Variants in GSAP observed in about 807,000 individuals in gnomAD.
GSAP encodes the protein gamma-secretase-activating protein.
A neutral mutation model predicts 131.7 loss-of-function variants in GSAP; 118 were observed. The observed-to-expected ratio is 0.90, with a 90% CI of 0.77 to 1.04. The LOEUF (loss-of-function observed/expected upper bound fraction) is 1.04. Among genes scored for constraint, GSAP ranks in the 50% least tolerant of loss-of-function variants. The pLI is 0.00. For synonymous variants in GSAP, 381 were observed against 363.4 expected (o/e 1.05, Z -0.55); for missense variants, 1,019 against 1,013.2 (o/e 1.01, Z -0.08).
intron 27 of GSAP, 25 bp downstream of exon 27, chr7:77,314,345 C>T (rs1460180071): frequency 6.2e-7 from 1 of 1,612,520 alleles, no homozygotes; most frequent in Non-Finnish European, 8.5e-7. Context: ...GGAACTAGCA[C>T]TCTGGCAAAC....
intron 1 of GSAP, among the ~76,000 whole-genome samples, chr7:77,408,689 CAAAAAAAAAA>C (rs749202124): frequency 6.0e-5 from 4 of 67,054 alleles, no homozygotes; most frequent in Non-Finnish European, 1.1e-4. Flanking sequence ...ACTCTGCCTC[CAAAAAAAAAA>C]AAAAAAAAAA....
intron 12 of GSAP, among the ~76,000 whole-genome samples, chr7:77,373,679 T>C (rs1363197991): frequency 2.6e-5 from 4 of 152,374 alleles, no homozygotes; most frequent in South Asian, 4.1e-4. Context: ...GGCTGCAGCA[T>C]GGCTCTTAAA....
intron 2 of GSAP, among the ~76,000 whole-genome samples, 172 bp downstream of exon 2, chr7:77,405,857 A>T (rs1205976198): frequency 2.6e-5 from 4 of 152,166 alleles, no homozygotes; most frequent in African/African-American, 9.7e-5. Flanking sequence ...CTAAATTTCA[A>T]TCACTTTATT....
At chr7:77,416,493 C>G, upstream of GSAP, 1 of 413,078 alleles carries the variant, frequency 2.4e-6, no homozygotes, top group Non-Finnish European at 4.3e-6. Flanking sequence ...GCACCAGCTC[C>G]TCCCGGCCGG....
At chr7:77,404,417 C>T (rs1801891381) in intron 3 of GSAP, 142 bp downstream of exon 3, 2 of 661,418 alleles carry the variant, frequency 3.0e-6, no homozygotes, top group African/African-American at 1.8e-5. Flanking sequence ...GTGTGTATGC[C>T]TCAAATTGCA....
At chr7:77,357,159 T>C (rs1035207121) in intron 14 of GSAP, among the ~76,000 whole-genome samples, 1 of 152,118 alleles carries the variant, frequency 6.6e-6, no homozygotes, top group Non-Finnish European at 1.5e-5. Context: ...GTTAACATCA[T>C]TGAGGTAGTG....
rs4727365 is a variant in GSAP at position 77,360,809 on chromosome 7, C to T, written c.1027+15G>A. On this transcript the variant is annotated intron_variant, in intron 14 of 30. Transcript: ENST00000257626. The stretch of plus-strand genomic sequence containing the variant: ...AAGTGTTCAGAGCAGGGGGTGTGAT[C>T]TCTCCATCACTCACCAAGGTTGAGA... 0.24 allele frequency: 337,988 copies of T among 1,395,976 alleles called. 44,695 individuals are homozygous for T. Among genetic ancestry groups the T allele is most frequent in the African/African-American group, 0.51 (35,192 of 69,640 alleles). 86.5% of individuals were successfully genotyped at this position (1,395,976 alleles called of 1,614,324 possible). A position where few individuals can be genotyped will look rare whatever the true frequency, so the allele number is the denominator to read the frequency against.
At chr7:77,412,463 G>A (rs987939085) in intron 1 of GSAP, among the ~76,000 whole-genome samples, 34 of 151,950 alleles carry the variant, frequency 2.2e-4, no homozygotes, top group Admixed American at 3.9e-4. Flanking sequence ...GAGGATTTAA[G>A]AGATCCAAAA....
chr7:77,345,937 G>A lies in GSAP; in HGVS notation c.1545+3414C>T, dbSNP rs182408378. ...ATAAGAATCAAATGCTATAAAAATC[G>A]TCATAGCCTTTCACCCAATGTTACC... is the stretch of plus-strand genomic sequence containing the variant. On this transcript the variant is annotated intron_variant, in intron 19 of 30. Transcript: ENST00000257626. Among the ~76,000 whole-genome samples the A allele has an allele frequency of 1.2e-3, 188 of 152,124 alleles. 1 individual carries two copies. The highest frequency in any genetic ancestry group is 1.8e-3 in the African/African-American group (76 of 41,482).
intron 13 of GSAP, among the ~76,000 whole-genome samples, chr7:77,361,364 C>G (rs911917582): frequency 6.6e-6 from 1 of 152,190 alleles, no homozygotes; most frequent in Non-Finnish European, 1.5e-5. Flanking sequence ...CCTTTCCTCT[C>G]TACTTTCTAA....
rs1292546839 is a variant in GSAP, at chr7:77,338,761, G to A, written c.1546-8394C>T. Among the ~76,000 whole-genome samples, 2 of 152,202 alleles carry A rather than the reference G, an allele frequency of 1.3e-5. 1 individual carries two copies. The highest frequency in any genetic ancestry group is 2.9e-5 in the Non-Finnish European group (2 of 68,046). On this transcript the variant is annotated intron_variant, in intron 19 of 30. Transcript: ENST00000257626. Reference sequence around the variant, plus strand: ...ACCACCTAAAACCATCACCTTGGGGGTCAGGACTTCAACATATGAATCCTG... The same window carrying A: ...ACCACCTAAAACCATCACCTTGGGGATCAGGACTTCAACATATGAATCCTG...
intron 5 of GSAP, among the ~76,000 whole-genome samples, chr7:77,390,055 T>G (rs868810762): frequency 1.3e-5 from 2 of 152,266 alleles, no homozygotes; most frequent in South Asian, 2.1e-4. Flanking sequence ...CATTTTTTCA[T>G]GTGTTTTTTG....
Position 77,416,085 on chromosome 7 carries a change from C to G in GSAP, c.109+128G>C, listed in dbSNP as rs796424041. ...CAAAACAGCCCTCTGAGGAGGGGAGCGACGCCCTCGCACCAGCCTTCTCAG... is the reference window on the plus strand; with the variant it reads ...CAAAACAGCCCTCTGAGGAGGGGAGGGACGCCCTCGCACCAGCCTTCTCAG... On this transcript the variant is annotated intron_variant, in intron 1 of 30. Transcript: ENST00000257626. 5.8e-4 allele frequency: 304 copies of G among 522,702 alleles called. 2 individuals carry two copies. Among genetic ancestry groups the G allele is most frequent in the African/African-American group, 5.6e-3 (278 of 49,662 alleles). 32.4% of individuals were successfully genotyped at this position (522,702 alleles called of 1,614,324 possible).
intron 19 of GSAP, among the ~76,000 whole-genome samples, chr7:77,346,306 A>C (rs1435226282): frequency 6.6e-6 from 1 of 151,136 alleles, no homozygotes; most frequent in Non-Finnish European, 1.5e-5. Flanking sequence ...AAAGAAAAAA[A>C]ATTCTCTGCA....
At chr7:77,374,226 A>G in intron 11 of GSAP, 71 bp from the exon 12 acceptor site, 1 of 739,968 alleles carries the variant, frequency 1.4e-6, no homozygotes, top group Non-Finnish European at 2.3e-6. Context: ...GATGTGAGTA[A>G]CCACTAAATA....
At chr7:77,347,461 T>C (rs916851872) in intron 19 of GSAP, among the ~76,000 whole-genome samples, 3 of 152,136 alleles carry the variant, frequency 2.0e-5, no homozygotes, top group African/African-American at 4.8e-5. Flanking sequence ...GCTTGGTACA[T>C]GAAGAATTCC....
At chr7:77,348,930 G>C (rs1792314140) in intron 19 of GSAP, among the ~76,000 whole-genome samples, 1 of 150,870 alleles carries the variant, frequency 6.6e-6, no homozygotes, top group Non-Finnish European at 1.5e-5. Context: ...TTTAAGACTG[G>C]AAATTCTGTG....
chr7:77,330,883 T>G (rs11514908), intron 19 of GSAP: 189,330 of 973,024 alleles, frequency 0.19, 19,053 homozygotes, highest in Non-Finnish European at 0.2. Context: ...GAACTAATTT[T>G]ACATTGTCAC....
chr7:77,320,605 C>A, intron 26 of GSAP, 120 bp downstream of exon 26: 1 of 666,392 alleles, frequency 1.5e-6, no homozygotes, highest in Admixed American at 2.6e-5. Flanking sequence ...ACAGTAACAC[C>A]AGATACACAA....
Sources: allele counts gnomAD v4.1 joint callset (sites outside exome capture counted in the v4.1 genomes callset), GRCh38; gene constraint gnomAD v4.1.1; transcripts MANE v1.5; gene names NCBI Gene and HGNC (gene_info 2026-07-23, HGNC 2026-07-21).